AVL9: variants seen among roughly 807,000 people sequenced by gnomAD.
The protein encoded by AVL9 is late secretory pathway protein AVL9 homolog.
Under a neutral mutation model 79.2 loss-of-function variants are expected in AVL9, and 49 were observed. The ratio of observed to expected loss-of-function variants is 0.62; its 90% CI spans 0.49 to 0.79. AVL9 has a LOEUF of 0.79. Ranked by LOEUF, AVL9 falls within the 30% of genes least tolerant of loss-of-function variation. The pLI, the probability that AVL9 is intolerant of heterozygous loss-of-function variation, is 0.00. For missense variants in AVL9, 682 were observed against 776.8 expected, an observed-to-expected ratio of 0.88 and a Z score of 1.45; for synonymous variants, 299 against 280.6, an observed-to-expected ratio of 1.07 and a Z score of -0.65.
At chr7:32,503,365 T>G (rs112773080) in intron 1 of AVL9, among the ~76,000 whole-genome samples, 9 of 103,112 alleles carry the variant, frequency 8.7e-5, no homozygotes, top group East Asian at 2.8e-4. Context: ...TAGAGAGATA[T>G]ATATATATAC....
Position 32,583,943 on chromosome 7 carries a change from T to G in AVL9, c.*36T>G. On this transcript the variant is annotated 3_prime_UTR_variant, in exon 16 of 16. Coordinates refer to ENST00000318709, the MANE Select transcript of AVL9 (RefSeq NM_015060.3). Reference sequence around the variant, plus strand: ...AGAGGCTGCTATTGCTTTCTGAGGTTTAAGTGTCCCCTGTCTGTCTGCTGC... The same window carrying G: ...AGAGGCTGCTATTGCTTTCTGAGGTGTAAGTGTCCCCTGTCTGTCTGCTGC... 1 of 1,467,610 alleles carries G rather than the reference T, an allele frequency of 6.8e-7. No individual in the cohort carries two copies. Among genetic ancestry groups the G allele is most frequent in the Non-Finnish European group, 9.5e-7 (1 of 1,047,716 alleles). The allele number at this position is 1,467,610 out of a possible 1,614,324, so 90.9% of individuals were successfully genotyped here.
intron 11 of AVL9, among the ~76,000 whole-genome samples, chr7:32,571,320 G>A (rs1790834542): frequency 6.6e-6 from 1 of 151,066 alleles, no homozygotes; most frequent in Non-Finnish European, 1.5e-5. Context: ...ATGAGGTCAG[G>A]AGTTCAAGAC....
intron 1 of AVL9, among the ~76,000 whole-genome samples, chr7:32,517,557 G>A (rs1266577529): frequency 6.6e-6 from 1 of 151,976 alleles, no homozygotes; most frequent in Admixed American, 6.6e-5. Flanking sequence ...ACCCACCTCG[G>A]CCTCCCAAAG....
intron 1 of AVL9, among the ~76,000 whole-genome samples, chr7:32,518,483 A>C (rs957903261): frequency 2.7e-5 from 4 of 146,186 alleles, no homozygotes; most frequent in African/African-American, 7.3e-5. Flanking sequence ...CATTGTTTCA[A>C]AAAAAAAAGT....
rs771679127 is a variant in AVL9, at chr7:32,559,096, G to C, written c.847G>C (p.Gly283Arg). ...GGGAACTATCAGGAAAGTCATGGCA[G>C]GAAACCATGGAGAAGATGCTGCCAT... ...NLGTIRKVMA[G>R]NHGEDAAMKT... Residue 283 changes from glycine (G) to arginine (R), a missense_variant, in exon 10 of 16, where the codon GGA (glycine) becomes CGA (arginine). Gly to Arg is a moderately radical substitution (Grantham distance 125). Transcript: ENST00000318709. 1.2e-6 allele frequency: 2 copies of C among 1,613,940 alleles called. No individual in the cohort carries two copies. Among genetic ancestry groups the C allele is most frequent in the Admixed American group, 1.7e-5 (1 of 60,004 alleles).
chr7:32,552,885 T>C (rs1467304287), intron 6 of AVL9, among the ~76,000 whole-genome samples: 2 of 152,226 alleles, frequency 1.3e-5, no homozygotes, highest in African/African-American at 4.8e-5. Flanking sequence ...TGAAGCAAGA[T>C]AGAAAGCTGC....
chr7:32,520,358 T>G (rs1562761076), intron 1 of AVL9, among the ~76,000 whole-genome samples: 1 of 152,222 alleles, frequency 6.6e-6, no homozygotes. Flanking sequence ...TTTTTTATTT[T>G]AAATGCTACT....
rs183137555 is a variant in AVL9 at position 32,514,283 on chromosome 7, G to T, written c.93+18481G>T. ...GACAATACCCAGGCTTTCTTGGGCA[G>T]GGGTCCCTGCGGCCTTCCACAGTGC... On this transcript the variant is annotated intron_variant, in intron 1 of 15. Transcript: ENST00000318709. Among the ~76,000 whole-genome samples the T allele has an allele frequency of 2.1e-4, 32 of 152,358 alleles. No homozygotes were observed. In the East Asian group the frequency reaches 5.4e-3, roughly 26 times the overall value.
In AVL9 at chr7:32,521,948, C is replaced by T. The variant is rs558809069; in HGVS notation, c.94-21193C>T. On this transcript the variant is annotated intron_variant, in intron 1 of 15. Transcript: ENST00000318709. Reference sequence around the variant, plus strand: ...AGGTTGTGGCCTCAGAGGGTGGAAGCCCCAAGCTTTGGCAGCGTCCACATG... The same window carrying T: ...AGGTTGTGGCCTCAGAGGGTGGAAGTCCCAAGCTTTGGCAGCGTCCACATG... Among the ~76,000 whole-genome samples, 65 of 152,306 alleles carry T rather than the reference C, an allele frequency of 4.3e-4. 1 individual carries two copies. The highest frequency in any genetic ancestry group is 1.5e-3 in the African/African-American group (64 of 41,566).
chr7:32,558,680 C>A, intron 9 of AVL9, 52 bp downstream of exon 9: 1 of 1,420,896 alleles, frequency 7.0e-7, no homozygotes, highest in South Asian at 1.3e-5. Flanking sequence ...GTACTGGAAC[C>A]TAAACTTTTA....
In AVL9 at chr7:32,553,759, C is replaced by T. The variant is rs372919580; in HGVS notation, c.562C>T (p.Arg188Ter). The T allele has an allele frequency of 3.7e-6, 6 of 1,609,092 alleles. No homozygotes were observed. The highest frequency in any genetic ancestry group is 1.1e-5 in the South Asian group (1 of 90,690). The change falls in exon 7 of 16, where the codon CGA becomes TGA. Residue 188 changes from arginine to a stop codon, truncating the protein, a stop_gained. Coordinates refer to ENST00000318709, the MANE Select transcript of AVL9 (RefSeq NM_015060.3). LOFTEE classifies it high-confidence loss of function. ...ACCTCGAGATCTTGTCCTTCATTTTCGACACAAGGTATGGTACCTTATTTA... is the reference window on the plus strand; with the variant it reads ...ACCTCGAGATCTTGTCCTTCATTTTTGACACAAGGTATGGTACCTTATTTA... Reference protein sequence around the residue: ...LSPRDLVLHFRHKVLILFKLI... With the variant: ...LSPRDLVLHF
At chr7:32,496,079 G>A (rs1164472557) in intron 1 of AVL9, among the ~76,000 whole-genome samples, 1 of 152,166 alleles carries the variant, frequency 6.6e-6, no homozygotes, top group Non-Finnish European at 1.5e-5. Flanking sequence ...TTCTGCTTTG[G>A]TGGAGTGGGA....
At chr7:32,547,216 CAT>C (rs1481892412) in intron 3 of AVL9, among the ~76,000 whole-genome samples, 1 of 152,184 alleles carries the variant, frequency 6.6e-6, no homozygotes, top group Non-Finnish European at 1.5e-5. Context: ...TTTAACAAAA[CAT>C]AGTTAGTTGT....
intron 1 of AVL9, among the ~76,000 whole-genome samples, chr7:32,540,338 C>T (rs1789121823): frequency 6.6e-6 from 1 of 152,136 alleles, no homozygotes; most frequent in East Asian, 1.9e-4. Context: ...AATTTTGGCA[C>T]ATTAAGATTT....
intron 13 of AVL9, among the ~76,000 whole-genome samples, chr7:32,577,374 T>C (rs958258486): frequency 2.6e-5 from 4 of 152,210 alleles, no homozygotes; most frequent in African/African-American, 9.6e-5. Flanking sequence ...GAAACCTATA[T>C]TGCCATTTGA....
At chr7:32,496,429 T>G (rs1036982131) in intron 1 of AVL9, among the ~76,000 whole-genome samples, 13 of 152,328 alleles carry the variant, frequency 8.5e-5, no homozygotes, top group African/African-American at 2.9e-4. Context: ...GATTAATCTC[T>G]CCATATCAAC....
intron 13 of AVL9, among the ~76,000 whole-genome samples, chr7:32,579,404 TATA>T (rs1791272018): frequency 7.1e-5 from 1 of 14,052 alleles, no homozygotes; most frequent in South Asian, 2.3e-3. Context: ...TGTTATATAT[TATA>T]TATAATATGT....
At chr7:32,521,373 T>C (rs1359658862) in intron 1 of AVL9, among the ~76,000 whole-genome samples, 1 of 152,210 alleles carries the variant, frequency 6.6e-6, no homozygotes, top group East Asian at 1.9e-4. Flanking sequence ...AGGTCCAGGC[T>C]GAGGTGGTCT....
intron 1 of AVL9, among the ~76,000 whole-genome samples, chr7:32,516,347 C>T (rs942763132): frequency 2.7e-5 from 4 of 148,020 alleles, no homozygotes; most frequent in South Asian, 2.1e-4. Flanking sequence ...GAGGTGCATT[C>T]TACAGAGTCT....
Sources: gnomAD v4.1 joint callset for allele counts (sites outside exome capture counted in the v4.1 genomes callset) on GRCh38, gnomAD v4.1.1 for gene constraint, MANE v1.5 for transcripts, NCBI Gene and HGNC (gene_info 2026-07-23, HGNC 2026-07-21) for gene names.